TBC1D31: variants seen among roughly 807,000 people sequenced by gnomAD.
The protein encoded by TBC1D31 is WD repeat domain 67.
A neutral mutation model predicts 132.9 loss-of-function variants in TBC1D31; 99 were observed. That is an observed-to-expected ratio of 0.74 (90% confidence interval 0.63 to 0.88). The LOEUF is 0.88. Ranked by LOEUF, TBC1D31 falls within the 40% of genes least tolerant of loss-of-function variation. TBC1D31 has a pLI of 0.00. For missense variants in TBC1D31, 1,134 were observed against 1,256.6 expected (o/e 0.90, Z 1.48); for synonymous variants, 385 against 419.4 (o/e 0.92, Z 1.00).
chr8:123,152,643 G>A (rs1822879068), downstream of TBC1D31, among the ~76,000 whole-genome samples: 1 of 152,160 alleles, frequency 6.6e-6, no homozygotes, highest in Non-Finnish European at 1.5e-5. Flanking sequence ...GGCTGCGGTG[G>A]GTGGATCACT....
In TBC1D31 at chr8:123,120,086, A is replaced by T. The variant is rs1394990313; in HGVS notation, c.1468A>T (p.Ile490Phe). The T allele has an allele frequency of 6.2e-7, 1 of 1,608,710 alleles. No individual in the cohort carries two copies. Among genetic ancestry groups the T allele is most frequent in the Non-Finnish European group, 8.5e-7 (1 of 1,178,184 alleles). ...TLSALAHWSV[I>F]FSDTPYLPLL... The stretch of plus-strand genomic sequence containing the variant: ...ATCTGCATTAGCTCACTGGTCTGTC[A>T]TTTTTAGTGACACACCATATCTTCC... The change falls in exon 11 of 22, where the codon ATT (isoleucine) becomes TTT (phenylalanine). Residue 490 changes from isoleucine to phenylalanine, a missense_variant. Ile to Phe is a conservative substitution (Grantham distance 21, BLOSUM62 0). Transcript: ENST00000287380.
chr8:123,132,620 G>A (rs1012737120), intron 16 of TBC1D31, among the ~76,000 whole-genome samples: 30 of 151,860 alleles, frequency 2.0e-4, no homozygotes, highest in African/African-American at 7.2e-4. Flanking sequence ...CACCATGTTG[G>A]TCAGGCTGAT....
intron 6 of TBC1D31, 112 bp from the exon 7 acceptor site, chr8:123,100,695 C>T: frequency 3.0e-6 from 2 of 666,694 alleles, no homozygotes; most frequent in Non-Finnish European, 5.2e-6. Context: ...CACACATATA[C>T]ACACACACAT....
At chr8:123,147,948 A>G (rs1199850869) in intron 20 of TBC1D31, among the ~76,000 whole-genome samples, 1 of 151,964 alleles carries the variant, frequency 6.6e-6, no homozygotes, top group Non-Finnish European at 1.5e-5. Flanking sequence ...CAATATGGTG[A>G]AACCCCCGTC....
At chr8:123,098,421 C>T (rs1183800849) in intron 6 of TBC1D31, among the ~76,000 whole-genome samples, 1 of 152,174 alleles carries the variant, frequency 6.6e-6, no homozygotes, top group African/African-American at 2.4e-5. Context: ...CCCGCCTCAG[C>T]CTCCCAAGAA....
chr8:123,150,536 G>A (rs1445399484), intron 21 of TBC1D31, among the ~76,000 whole-genome samples: 2 of 152,190 alleles, frequency 1.3e-5, no homozygotes, highest in Non-Finnish European at 2.9e-5. Context: ...GTTCATTTGG[G>A]CTGGGCTCCC....
At chr8:123,136,293 G>A (rs906069831) in intron 17 of TBC1D31, among the ~76,000 whole-genome samples, 3 of 151,990 alleles carry the variant, frequency 2.0e-5, no homozygotes, top group South Asian at 2.1e-4. Context: ...AGAAATGTTC[G>A]TGACTCTGTC....
At chr8:123,151,402 C>G (rs1323811413) in intron 21 of TBC1D31, among the ~76,000 whole-genome samples, 3 of 152,064 alleles carry the variant, frequency 2.0e-5, no homozygotes, top group African/African-American at 7.2e-5. Flanking sequence ...ATTTGATTTA[C>G]TTATTTTTAT....
Position 123,142,345 on chromosome 8 carries a change from T to C in TBC1D31, c.2724T>C (p.Cys908=), listed in dbSNP as rs1359605762. The C allele has an allele frequency of 1.2e-6, 2 of 1,610,850 alleles. No homozygotes were observed. The highest frequency in any genetic ancestry group is 1.7e-5 in the Admixed American group (1 of 59,436). ...WQIQSLHKQK[C]DDLQRNKCYQ... is the part of the protein sequence containing the mutation. ...TTCAGTCTTTACATAAACAAAAATG[T>C]GATGATCTACAACGAAACAAATGTT... is the stretch of plus-strand genomic sequence containing the variant. The change falls in exon 19 of 22, where the codon TGT becomes TGC. Residue 908 remains cysteine (C), a synonymous_variant. Coordinates refer to ENST00000287380, the MANE Select transcript of TBC1D31 (RefSeq NM_145647.4).
chr8:123,165,045 T>C, the TBC1D31 span, among the ~76,000 whole-genome samples: 1 of 152,122 alleles, frequency 6.6e-6, no homozygotes, highest in Non-Finnish European at 1.5e-5. Context: ...GAGAAGATGA[T>C]AAGGAGACCC....
intron 20 of TBC1D31, among the ~76,000 whole-genome samples, chr8:123,147,204 C>T (rs1002989456): frequency 2.0e-5 from 3 of 151,194 alleles, no homozygotes; most frequent in East Asian, 2.0e-4. Flanking sequence ...GACGGAGTCT[C>T]GCTTTGTCGC....
At chr8:123,130,848 G>A (rs1002082255) in intron 16 of TBC1D31, among the ~76,000 whole-genome samples, 7 of 151,316 alleles carry the variant, frequency 4.6e-5, no homozygotes, top group South Asian at 2.1e-4. Context: ...TCTCAAACTC[G>A]TGACCTCAGG....
intron 10 of TBC1D31, among the ~76,000 whole-genome samples, chr8:123,115,781 CA>C (rs1200318014): frequency 6.6e-6 from 1 of 152,190 alleles, no homozygotes; most frequent in Non-Finnish European, 1.5e-5. Context: ...CCTCTGACCG[CA>C]ACCAGGAAGG....
chr8:123,119,652 G>T (rs1819283064), intron 10 of TBC1D31, among the ~76,000 whole-genome samples: 1 of 152,174 alleles, frequency 6.6e-6, no homozygotes, highest in Non-Finnish European at 1.5e-5. Flanking sequence ...GTTTAAGGCT[G>T]CAGTGAGCCA....
intron 13 of TBC1D31, among the ~76,000 whole-genome samples, chr8:123,127,427 C>T (rs1385391268): frequency 2.6e-5 from 4 of 151,648 alleles, no homozygotes; most frequent in African/African-American, 9.7e-5. Flanking sequence ...CCCGCCACCA[C>T]GCCCAGCTAA....
intron 17 of TBC1D31, among the ~76,000 whole-genome samples, chr8:123,135,036 A>G (rs1359495551): frequency 6.6e-6 from 1 of 152,168 alleles, no homozygotes; most frequent in Non-Finnish European, 1.5e-5. Context: ...AGTAGCTGGG[A>G]CTACAGACGT....
chr8:123,101,049 C>T (rs1008776473), intron 7 of TBC1D31, 42 bp downstream of exon 7: 1 of 1,333,984 alleles, frequency 7.5e-7, no homozygotes. Flanking sequence ...TTTATAAACA[C>T]TTATATATTA....
intron 3 of TBC1D31, chr8:123,083,895 G>A: frequency 2.8e-6 from 1 of 355,962 alleles, no homozygotes; most frequent in Non-Finnish European, 5.1e-6. Flanking sequence ...GCAAGAGAAA[G>A]CCCAAACTCA....
At chr8:123,155,994 A>G (rs146605794), downstream of TBC1D31, among the ~76,000 whole-genome samples, 298 of 152,346 alleles carry the variant, frequency 2.0e-3, 1 homozygote, top group African/African-American at 7.0e-3. This position sits in a 1 kb window ranked among gnomAD's most constrained non-coding sequence, Gnocchi z 4.1. Flanking sequence ...TGAATATATC[A>G]TTGAAATAAA....
Sources: allele counts gnomAD v4.1 joint callset (sites outside exome capture counted in the v4.1 genomes callset), GRCh38; gene constraint gnomAD v4.1.1; non-coding constraint Gnocchi (gnomAD v3.1); transcripts MANE v1.5; gene names NCBI Gene and HGNC (gene_info 2026-07-23, HGNC 2026-07-21).